The following PXDNL variants were observed in gnomAD, a reference collection of about 807,000 sequenced individuals.
PXDNL encodes peroxidasin like.
A neutral mutation model predicts 150.8 loss-of-function variants in PXDNL; 145 were observed. The observed-to-expected ratio is 0.96, with a 90% confidence interval of 0.84 to 1.10. The LOEUF (loss-of-function observed/expected upper bound fraction) is 1.10. Ranked by LOEUF, PXDNL falls within the 50% of genes least tolerant of loss-of-function variation. The probability of loss-of-function intolerance (pLI) is 0.00; values close to 1 mark genes in which losing one functional copy is unlikely to be tolerated. For synonymous variants in PXDNL, 757 were observed against 725.7 expected, an observed-to-expected ratio of 1.04 and a Z score of -0.69; for missense variants, 2,087 against 1,873.9, an observed-to-expected ratio of 1.11 and a Z score of -2.10.
At chr8:51,566,475 T>C (rs1188824008) in intron 3 of PXDNL, among the ~76,000 whole-genome samples, 2 of 151,844 alleles carry the variant, frequency 1.3e-5, no homozygotes, top group Non-Finnish European at 2.9e-5. Flanking sequence ...TTAATAAATA[T>C]GGGCCTATTT....
chr8:51,655,162 ACT>A (rs530352185), intron 1 of PXDNL, among the ~76,000 whole-genome samples: 16 of 152,336 alleles, frequency 1.1e-4, no homozygotes, highest in African/African-American at 3.6e-4. Flanking sequence ...ACTCAACACC[ACT>A]GTTTGAATTT....
chr8:51,344,921 C>G (rs1412692351), intron 20 of PXDNL, among the ~76,000 whole-genome samples: 1 of 152,126 alleles, frequency 6.6e-6, no homozygotes, highest in Non-Finnish European at 1.5e-5. Context: ...GACTCTAAAG[C>G]CTTCACACTT....
At chr8:51,463,515 T>TA (rs939797233) in intron 8 of PXDNL, among the ~76,000 whole-genome samples, 2 of 152,070 alleles carry the variant, frequency 1.3e-5, no homozygotes, top group African/African-American at 4.8e-5. Flanking sequence ...CCACCAATTA[T>TA]AAAAAAAGGA....
chr8:51,429,600 G>T (rs1809201340), intron 12 of PXDNL, among the ~76,000 whole-genome samples: 1 of 151,238 alleles, frequency 6.6e-6, no homozygotes. Context: ...AAGTCCAAAA[G>T]TGCACAAGCT....
intron 1 of PXDNL, among the ~76,000 whole-genome samples, chr8:51,743,384 AT>A (rs549196474): frequency 1.9e-3 from 275 of 148,152 alleles, no homozygotes; most frequent in South Asian, 5.6e-3. Flanking sequence ...TGCCTGGCTA[AT>A]TTTTTTTTTT....
At chr8:51,785,084 G>C (rs2037448434) in intron 1 of PXDNL, among the ~76,000 whole-genome samples, 1 of 152,108 alleles carries the variant, frequency 6.6e-6, no homozygotes, top group South Asian at 2.1e-4. Flanking sequence ...TTACCATCAA[G>C]ATCTTTAGTG....
At chr8:51,403,627 T>A (rs1049012122) in intron 17 of PXDNL, among the ~76,000 whole-genome samples, 1 of 152,194 alleles carries the variant, frequency 6.6e-6, no homozygotes, top group Non-Finnish European at 1.5e-5. Flanking sequence ...CTACTTCTCA[T>A]GTATCTCAAA....
intron 1 of PXDNL, among the ~76,000 whole-genome samples, chr8:51,746,421 C>G (rs1158060019): frequency 6.6e-6 from 1 of 152,148 alleles, no homozygotes; most frequent in African/African-American, 2.4e-5. Flanking sequence ...CTCTCTTCAT[C>G]TAGAACAGGC....
intron 2 of PXDNL, among the ~76,000 whole-genome samples, chr8:51,594,766 A>T (rs937578062): frequency 1.5e-4 from 23 of 152,316 alleles, no homozygotes; most frequent in African/African-American, 5.3e-4. Context: ...TTATAATTTT[A>T]ATGGTTGGAA....
At chr8:51,719,149 A>C (rs1049455122) in intron 1 of PXDNL, among the ~76,000 whole-genome samples, 2 of 152,190 alleles carry the variant, frequency 1.3e-5, no homozygotes, top group Admixed American at 1.3e-4. Flanking sequence ...CCCGGTCTGG[A>C]AGGTGTACCC....
intron 13 of PXDNL, 31 bp from the exon 14 acceptor site, chr8:51,423,762 G>A (rs374010962): frequency 1.1e-5 from 17 of 1,594,726 alleles, no homozygotes; most frequent in African/African-American, 1.4e-5. Context: ...GCCACTGAAT[G>A]AGTGTGGTTC....
intron 4 of PXDNL, among the ~76,000 whole-genome samples, chr8:51,536,596 C>A (rs1229051571): frequency 6.6e-6 from 1 of 150,760 alleles, no homozygotes; most frequent in East Asian, 1.9e-4. Context: ...AGGGTGGCAC[C>A]GAGTTTTTTC....
chr8:51,750,838 C>T (rs937675856), intron 1 of PXDNL, among the ~76,000 whole-genome samples: 7 of 152,094 alleles, frequency 4.6e-5, no homozygotes, highest in African/African-American at 1.2e-4. Flanking sequence ...CAGTACTATC[C>T]GCGGTTTCGG....
chr8:51,734,252 G>A (rs1178219887), intron 1 of PXDNL, among the ~76,000 whole-genome samples: 2 of 152,182 alleles, frequency 1.3e-5, no homozygotes, highest in Non-Finnish European at 2.9e-5. Context: ...GAGATTAACA[G>A]TGAATTCAAA....
intron 1 of PXDNL, among the ~76,000 whole-genome samples, chr8:51,732,954 G>A (rs1014273200): frequency 2.0e-5 from 3 of 152,190 alleles, no homozygotes; most frequent in African/African-American, 7.2e-5. Context: ...TATCACATGG[G>A]ATCCCAGGAG....
Position 51,662,798 on chromosome 8 carries a change from C to T in PXDNL, c.165-8038G>A, listed in dbSNP as rs567521467. On this transcript the variant is annotated intron_variant, in intron 1 of 22. Transcript: ENST00000356297. ...GTACTTTATGAGTCTTACTGTTGAG[C>T]GCTGTCAGGCACTCATGGGAAGTTA... Among the ~76,000 whole-genome samples the T allele has an allele frequency of 2.6e-5, 4 of 152,238 alleles. No homozygotes were observed. The East Asian group carries it at 7.7e-4, about 29-fold the overall frequency.
intron 2 of PXDNL, among the ~76,000 whole-genome samples, chr8:51,644,130 C>T (rs1434865286): frequency 2.7e-5 from 4 of 150,280 alleles, no homozygotes; most frequent in Non-Finnish European, 5.9e-5. Flanking sequence ...TGGGCAACAG[C>T]GTGAGACTCC....
At chr8:51,417,932 C>A (rs1414930964) in intron 14 of PXDNL, among the ~76,000 whole-genome samples, 1 of 152,200 alleles carries the variant, frequency 6.6e-6, no homozygotes, top group Non-Finnish European at 1.5e-5. Flanking sequence ...GCACCATCTA[C>A]TTTGTTTAAG....
At chr8:51,655,634 G>T (rs528072054) in intron 1 of PXDNL, among the ~76,000 whole-genome samples, 2 of 152,266 alleles carry the variant, frequency 1.3e-5, no homozygotes, top group East Asian at 3.9e-4. Flanking sequence ...CCCGGAACAG[G>T]GTGGTTAACT....
Sources: gnomAD v4.1 joint callset for allele counts (sites outside exome capture counted in the v4.1 genomes callset) on GRCh38, gnomAD v4.1.1 for gene constraint, MANE v1.5 for transcripts, NCBI Gene and HGNC (gene_info 2026-07-23, HGNC 2026-07-21) for gene names.